Variants in CD5 observed in about 807,000 individuals in gnomAD.
The protein encoded by CD5 is T-cell surface glycoprotein CD5.
CD5 carries 36 observed loss-of-function variants against 60.3 expected under a neutral mutation model. The observed-to-expected ratio is 0.60, with a 90% CI of 0.46 to 0.79. The LOEUF (loss-of-function observed/expected upper bound fraction) is 0.79, where lower values mean the gene tolerates loss of function less well. Among genes scored for constraint, CD5 ranks in the 30% least tolerant of loss-of-function variants. CD5 has a pLI of 0.00. For missense variants in CD5, 540 were observed against 630.6 expected, an observed-to-expected ratio of 0.86 and a Z score of 1.54; for synonymous variants, 230 against 257.6, an observed-to-expected ratio of 0.89 and a Z score of 1.03.
upstream of CD5, among the ~76,000 whole-genome samples, chr11:61,101,369 A>T (rs865995885): frequency 1.0e-5 from 1 of 95,952 alleles, no homozygotes; most frequent in Admixed American, 1.2e-4. Context: ...GAGATCACAC[A>T]CACACATCAA....
At chr11:61,112,613 C>T (rs912908237) in intron 1 of CD5, among the ~76,000 whole-genome samples, 2 of 151,416 alleles carry the variant, frequency 1.3e-5, no homozygotes, top group African/African-American at 4.9e-5. Context: ...CACTGCATTC[C>T]AGACTGGGCA....
chr11:61,101,963 CCCAGCATTCATGGCG>C (rs1319369701), upstream of CD5, among the ~76,000 whole-genome samples: 1 of 151,872 alleles, frequency 6.6e-6, no homozygotes, highest in Non-Finnish European at 1.5e-5. Context: ...CTGGCACAAG[CCCAGCATTCATGGCG>C]CAGCCATCTC....
intron 5 of CD5, 37 bp from the exon 6 acceptor site, chr11:61,121,574 C>T (rs746012843): frequency 2.1e-6 from 3 of 1,427,754 alleles, no homozygotes; most frequent in Non-Finnish European, 2.8e-6. Context: ...CTCAGGTTCA[C>T]ACTTGCACCC....
At chr11:61,121,981 T>G in intron 6 of CD5, 77 bp downstream of exon 6, 10 of 1,299,450 alleles carry the variant, frequency 7.7e-6, no homozygotes, top group Middle Eastern at 2.0e-4. Context: ...TGCATGTCTC[T>G]AAAGGGAAGC....
At chr11:61,109,383 C>G (rs1472469219) in intron 1 of CD5, among the ~76,000 whole-genome samples, 1 of 152,130 alleles carries the variant, frequency 6.6e-6, no homozygotes, top group Non-Finnish European at 1.5e-5. Flanking sequence ...GAGGCGTGGA[C>G]GAAACAGAAG....
At chr11:61,115,006 GGA>G (rs750755306) in intron 1 of CD5, 48 bp from the exon 2 acceptor site, 3 of 1,533,442 alleles carry the variant, frequency 2.0e-6, no homozygotes, top group Non-Finnish European at 1.8e-6. Flanking sequence ...TGGGGAGAAG[GGA>G]GAGAGTGGGA....
Position 61,118,442 on chromosome 11 carries a change from G to A in CD5, c.362G>A (p.Arg121Lys). 1 of 1,614,244 alleles carries A rather than the reference G, an allele frequency of 6.2e-7. No homozygotes were observed. The highest frequency in any genetic ancestry group is 1.1e-5 in the South Asian group (1 of 91,090). ...TCCTTCTCCAACTGCAGCCACAGCA[G>A]AAATGACATGTGTCACTCTCTGGGC... ...LGSFSNCSHS[R>K]NDMCHSLGLT... Residue 121 changes from arginine to lysine, a missense_variant, in exon 3 of 11, where the codon AGA becomes AAA. Coordinates refer to ENST00000347785, the MANE Select transcript of CD5 (RefSeq NM_014207.4). The surrounding 1 kb of genome is among the most constrained non-coding windows in gnomAD (Gnocchi z 4.7).
chr11:61,113,243 C>T (rs1178617219), intron 1 of CD5, among the ~76,000 whole-genome samples: 3 of 152,248 alleles, frequency 2.0e-5, no homozygotes, highest in South Asian at 2.1e-4. Flanking sequence ...TAACTGATCA[C>T]GCTAGGTGGT....
At chr11:61,117,988 T>C (rs1860989058) in intron 2 of CD5, among the ~76,000 whole-genome samples, 187 bp from the exon 3 acceptor site, 1 of 152,200 alleles carries the variant, frequency 6.6e-6, no homozygotes, top group South Asian at 2.1e-4. Context: ...GCTTCGGGGC[T>C]GCCTGGGTCA....
At chr11:61,113,966 G>A (rs1860897685) in intron 1 of CD5, among the ~76,000 whole-genome samples, 1 of 152,138 alleles carries the variant, frequency 6.6e-6, no homozygotes, top group Admixed American at 6.5e-5. Flanking sequence ...CACCGTGCCC[G>A]GCCCCTTTCT....
chr11:61,122,613 A>G (rs748285985), intron 6 of CD5, among the ~76,000 whole-genome samples: 14 of 152,202 alleles, frequency 9.2e-5, no homozygotes, highest in Non-Finnish European at 1.5e-4. Context: ...TATGATGGCA[A>G]GGTGATCACT....
chr11:61,119,646 G>A, intron 5 of CD5, 71 bp downstream of exon 5: 1 of 1,114,102 alleles, frequency 9.0e-7, no homozygotes, highest in East Asian at 2.4e-5. Context: ...CATCCCAGAA[G>A]GTCAGGGAAC....
chr11:61,107,425 G>A lies in CD5; in HGVS notation c.55+4810G>A, dbSNP rs547078505. Among the ~76,000 whole-genome samples, 673 of 152,272 alleles carry A rather than the reference G, an allele frequency of 4.4e-3. 7 individuals carry two copies. The highest frequency in any genetic ancestry group is 7.3e-3 in the Non-Finnish European group (499 of 68,014). ...GTCCTCAAGTGCATCTTGAACCCCA[G>A]GCCAGATGCATTTGGAACTCCAGAA... On this transcript the variant is annotated intron_variant, in intron 1 of 10. Transcript: ENST00000347785.
chr11:61,107,289 T>A (rs922265291), intron 1 of CD5, among the ~76,000 whole-genome samples: 2 of 152,066 alleles, frequency 1.3e-5, no homozygotes, highest in African/African-American at 4.8e-5. Context: ...GGGGGATCGA[T>A]GAGGCAGCCA....
intron 6 of CD5, 54 bp downstream of exon 6, chr11:61,121,958 G>A: frequency 6.9e-7 from 1 of 1,453,318 alleles, no homozygotes; most frequent in Non-Finnish European, 9.2e-7. Flanking sequence ...TTACCTCTAG[G>A]ACCCGGTCAG....
At chr11:61,120,484 T>C (rs945538974) in intron 5 of CD5, among the ~76,000 whole-genome samples, 2 of 152,308 alleles carry the variant, frequency 1.3e-5, no homozygotes, top group East Asian at 1.9e-4. Flanking sequence ...CCCAGTACTA[T>C]GGAGCACTTG....
intron 8 of CD5, 27 bp downstream of exon 8, chr11:61,123,964 C>T (rs1306384544): frequency 2.0e-5 from 31 of 1,587,866 alleles, no homozygotes; most frequent in Non-Finnish European, 2.4e-5. Flanking sequence ...GCAGGAGCCT[C>T]CCTCAGGCCC....
chr11:61,125,873 C>T, intron 10 of CD5, 32 bp downstream of exon 10: 1 of 1,507,558 alleles, frequency 6.6e-7, no homozygotes, highest in South Asian at 1.2e-5. Flanking sequence ...CCCCAGCACC[C>T]CAGGGTCCCC....
chr11:61,123,806 G>T, intron 7 of CD5, 78 bp from the exon 8 acceptor site: 3 of 604,996 alleles, frequency 5.0e-6, no homozygotes, highest in Non-Finnish European at 6.0e-6. Flanking sequence ...CCCAGGCCCA[G>T]CCCCATCCCC....
Sources: gnomAD v4.1 joint callset for allele counts (sites outside exome capture counted in the v4.1 genomes callset) on GRCh38, gnomAD v4.1.1 for gene constraint, Gnocchi (gnomAD v3.1) non-coding constraint, MANE v1.5 for transcripts, NCBI Gene and HGNC (gene_info 2026-07-23, HGNC 2026-07-21) for gene names.